The following STK10 variants were observed in gnomAD, a reference collection of about 807,000 sequenced individuals.
The protein encoded by STK10 is serine/threonine-protein kinase 10.
STK10 carries 78 observed loss-of-function variants against 113.8 expected under a neutral mutation model. The ratio of observed to expected loss-of-function variants is 0.69; its 90% confidence interval spans 0.57 to 0.83. The LOEUF is 0.83. Among genes scored for constraint, STK10 ranks in the 40% least tolerant of loss-of-function variants. The probability of loss-of-function intolerance (pLI) is 0.00; values close to 1 mark genes in which losing one functional copy is unlikely to be tolerated. For missense variants in STK10, 1,109 were observed against 1,280.1 expected (o/e 0.87, Z 2.04); for synonymous variants, 465 against 494.7 (o/e 0.94, Z 0.80).
intron 2 of STK10, among the ~76,000 whole-genome samples, chr5:172,145,044 A>AT (rs1243266275): frequency 6.6e-6 from 1 of 152,136 alleles, no homozygotes; most frequent in Non-Finnish European, 1.5e-5. Flanking sequence ...AGTCCATCCC[A>AT]TCTTCCAGAA....
chr5:172,167,222 A>ATAT (rs979362197), intron 1 of STK10, among the ~76,000 whole-genome samples: 3 of 149,758 alleles, frequency 2.0e-5, no homozygotes, highest in African/African-American at 7.5e-5. Context: ...TGTTCAGTTT[A>ATAT]TATTAGTCCA....
chr5:172,078,619 T>TAAAAAAAAAAAAAAAAAAA (rs58823824), intron 12 of STK10, among the ~76,000 whole-genome samples: 1 of 72,824 alleles, frequency 1.4e-5, no homozygotes, highest in African/African-American at 3.7e-5. Context: ...GCCTCATCAT[T>TAAAAAAAAAAAAAAAAAAA]AAAAAAAAAA....
rs1269300382 is a variant in STK10, at chr5:172,090,324, G to A, written c.1593C>T (p.Arg531=). ...CCTCCACACCATCCACCACAAATTT[G>A]CGTGTCCGCTTGAGGGTTTTTTTGT... The part of the protein sequence containing the change: ...KLYKKTLKRT[R]KFVVDGVEVS... The change falls in exon 10 of 19, where the codon CGC becomes CGT. Residue 531 remains arginine, a synonymous_variant. Coordinates refer to ENST00000176763, the MANE Select transcript of STK10 (RefSeq NM_005990.4). The A allele has an allele frequency of 2.5e-6, 4 of 1,613,962 alleles. No homozygotes were observed. In the South Asian group the frequency reaches 4.4e-5, roughly 18 times the overall value.
chr5:172,145,152 T>A (rs931801234), intron 2 of STK10, among the ~76,000 whole-genome samples: 1 of 152,102 alleles, frequency 6.6e-6, no homozygotes, highest in Non-Finnish European at 1.5e-5. Flanking sequence ...GCAGGGACAT[T>A]TTTCATCCAT....
rs1267530095 is a variant in STK10 at position 172,133,203 on chromosome 5, T to A, written c.322-5782A>T. On this transcript the variant is annotated intron_variant, in intron 2 of 18. Transcript: ENST00000176763. The surrounding 1 kb of genome is among the most constrained non-coding windows in gnomAD (Gnocchi z 4.9). ...TAATCTGGAGAGCTGTGTGTGCGTG[T>A]GTGCGTGTGTGTCTGGGGAGATACA... 6.6e-6 allele frequency among the ~76,000 whole-genome samples: 1 copy of A among 152,194 alleles called. No individual in the cohort carries two copies. Among genetic ancestry groups the A allele is most frequent in the African/African-American group, 2.4e-5 (1 of 41,440 alleles).
rs1246384343 is a variant in STK10, at chr5:172,055,625, C to T, written c.2489G>A (p.Gly830Glu). ...MYKKSLHING[G>E]GSAAEQREKI... is the part of the protein sequence containing the mutation. ...CTCACGCTGCTCAGCTGCGCTGCCC[C>T]CGCCGTTGATGTGGAGGCTCTTCTT... The change falls in exon 16 of 19, where the codon GGG (glycine) becomes GAG (glutamate). Residue 830 changes from glycine to glutamate, a missense_variant. Physicochemically the swap from Gly to Glu is moderately conservative, Grantham distance 98 (BLOSUM62 -2). This residue lies in a region of STK10 where 885 missense variants were observed against 991.1 expected (regional missense o/e 0.89). Transcript: ENST00000176763. 2 of 1,558,546 alleles carry T rather than the reference C, an allele frequency of 1.3e-6. No individual in the cohort carries two copies. Among genetic ancestry groups the T allele is most frequent in the Non-Finnish European group, 1.7e-6 (2 of 1,148,196 alleles).
In STK10 at chr5:172,087,204, C is replaced by A. The variant is rs570351957; in HGVS notation, c.1685+3028G>T. The stretch of plus-strand genomic sequence containing the variant: ...AGTCTGTTTTTCCTCCCTCTGTCTC[C>A]TAGAGGGAGAAGAGATCCACAACAT... On this transcript the variant is annotated intron_variant, in intron 10 of 18. Coordinates refer to ENST00000176763, the MANE Select transcript of STK10 (RefSeq NM_005990.4). Among the ~76,000 whole-genome samples, 4 of 149,558 alleles carry A rather than the reference C, an allele frequency of 2.7e-5. No homozygotes were observed. In the East Asian group the frequency reaches 7.9e-4, roughly 30 times the overall value.
intron 1 of STK10, among the ~76,000 whole-genome samples, chr5:172,160,923 T>G (rs1481763853): frequency 4.1e-4 from 62 of 152,132 alleles, no homozygotes; most frequent in Admixed American, 4.1e-3. Flanking sequence ...CCCTACAATC[T>G]CCACCACTTA....
At chr5:172,090,061 T>C (rs998334505) in intron 10 of STK10, among the ~76,000 whole-genome samples, 171 bp downstream of exon 10, 4 of 151,884 alleles carry the variant, frequency 2.6e-5, no homozygotes, top group African/African-American at 4.8e-5. Context: ...AGGTGAACGG[T>C]TGGGTAGATG....
intron 14 of STK10, among the ~76,000 whole-genome samples, chr5:172,058,960 A>C (rs1237864229): frequency 6.6e-6 from 1 of 152,174 alleles, no homozygotes; most frequent in Non-Finnish European, 1.5e-5. Context: ...GCGGTGGCTC[A>C]TGCCTGTAAT....
intron 1 of STK10, among the ~76,000 whole-genome samples, chr5:172,159,177 C>A (rs1309827952): frequency 6.6e-6 from 1 of 152,156 alleles, no homozygotes; most frequent in Non-Finnish European, 1.5e-5. Flanking sequence ...AAGGATCCTG[C>A]GAGGACGTTG....
intron 4 of STK10, 170 bp from the exon 5 acceptor site, chr5:172,108,022 GA>G: frequency 1.7e-6 from 1 of 593,276 alleles, no homozygotes; most frequent in Non-Finnish European, 3.0e-6. Flanking sequence ...AGGAAGTACC[GA>G]GATGAACACT....
intron 12 of STK10, among the ~76,000 whole-genome samples, chr5:172,080,110 T>C (rs2113727894): frequency 6.6e-6 from 1 of 152,282 alleles, no homozygotes; most frequent in African/African-American, 2.4e-5. Flanking sequence ...ATTATTATTA[T>C]CTCTATTATG....
chr5:172,111,268 C>T (rs1389335992), intron 4 of STK10, among the ~76,000 whole-genome samples: 2 of 152,168 alleles, frequency 1.3e-5, no homozygotes, highest in Non-Finnish European at 2.9e-5. Context: ...CCCAGGAAAC[C>T]TTTTGGGAAC....
intron 7 of STK10, among the ~76,000 whole-genome samples, chr5:172,102,663 A>T (rs1218405032): frequency 6.6e-6 from 1 of 152,088 alleles, no homozygotes; most frequent in Non-Finnish European, 1.5e-5. Flanking sequence ...GGTGCTGTTG[A>T]TGTGTTCAGT....
At chr5:172,071,027 G>A (rs889834149) in intron 12 of STK10, among the ~76,000 whole-genome samples, 1 of 151,560 alleles carries the variant, frequency 6.6e-6, no homozygotes, top group African/African-American at 2.4e-5. Context: ...GGCTAACATG[G>A]TGAGAGCCCA....
chr5:172,141,117 G>A (rs912841167), intron 2 of STK10, among the ~76,000 whole-genome samples: 1 of 152,222 alleles, frequency 6.6e-6, no homozygotes, highest in Admixed American at 6.5e-5. Flanking sequence ...TGATGGTAGA[G>A]GAAATGGGGA....
chr5:172,122,989 C>T (rs1769547828), intron 3 of STK10, among the ~76,000 whole-genome samples: 2 of 152,142 alleles, frequency 1.3e-5, no homozygotes, highest in South Asian at 4.1e-4. Context: ...AGAACAGGCC[C>T]TGGATGTTAC....
At position 172,145,506 on chromosome 5, in the gene STK10, G is replaced by A. The variant is rs1198806022; in HGVS notation, c.321+11118C>T. Among the ~76,000 whole-genome samples the A allele has an allele frequency of 2.0e-5, 3 of 152,384 alleles. No individual in the cohort carries two copies. In the East Asian group the frequency reaches 5.8e-4, roughly 29 times the overall value. On this transcript the variant is annotated intron_variant, in intron 2 of 18. Transcript: ENST00000176763. ...CAGAGCACGCGCTGGCCCGCTCAGA[G>A]CCTGCTCAGAAAGCCAGGGAAGAAG... is the stretch of plus-strand genomic sequence containing the variant.
Sources: allele counts gnomAD v4.1 joint callset (sites outside exome capture counted in the v4.1 genomes callset), GRCh38; gene constraint gnomAD v4.1.1; regional missense constraint gnomAD v4.1.1; non-coding constraint Gnocchi (gnomAD v3.1); transcripts MANE v1.5; gene names NCBI Gene and HGNC (gene_info 2026-07-23, HGNC 2026-07-21).